Variants in RPP40 observed in about 807,000 individuals in gnomAD.
RPP40 encodes the protein ribonuclease P/MRP subunit p40.
RPP40 carries 30 observed loss-of-function variants against 42.5 expected under a neutral mutation model. The observed-to-expected ratio is 0.71, with a 90% CI of 0.53 to 0.96. The LOEUF is 0.96. Ranked by LOEUF, RPP40 falls within the 40% of genes least tolerant of loss-of-function variation. The pLI is 0.00. For synonymous variants in RPP40, 173 were observed against 164.0 expected, an observed-to-expected ratio of 1.05 and a Z score of -0.42; for missense variants, 426 against 433.5, an observed-to-expected ratio of 0.98 and a Z score of 0.15.
intron 3 of RPP40, 133 bp from the exon 4 acceptor site, chr6:5,000,037 C>T (rs1251798876): frequency 1.7e-6 from 1 of 576,348 alleles, no homozygotes; most frequent in Admixed American, 3.1e-5. Context: ...ATTTATATCA[C>T]AAGAATATTA....
At chr6:4,998,476 A>G (rs1452558336) in intron 5 of RPP40, among the ~76,000 whole-genome samples, 3 of 152,194 alleles carry the variant, frequency 2.0e-5, no homozygotes, top group Non-Finnish European at 4.4e-5. Context: ...CACTCTCAAG[A>G]TCTCTGGATC....
intron 2 of RPP40, among the ~76,000 whole-genome samples, chr6:5,000,922 C>T (rs34853350): frequency 1.4e-5 from 2 of 145,286 alleles, no homozygotes; most frequent in Non-Finnish European, 3.0e-5. Context: ...ATGCAGAAGA[C>T]CAAGCATGCA....
chr6:4,996,121 C>T (rs1188317937), intron 6 of RPP40, 36 bp from the exon 7 acceptor site: 1 of 1,610,104 alleles, frequency 6.2e-7, no homozygotes, highest in South Asian at 1.1e-5. Flanking sequence ...AGAGATAACA[C>T]ATGTATATCC....
At chr6:4,997,584 C>G (rs1253670979) in intron 5 of RPP40, among the ~76,000 whole-genome samples, 1 of 152,168 alleles carries the variant, frequency 6.6e-6, no homozygotes, top group Non-Finnish European at 1.5e-5. Flanking sequence ...TTGCAGACAG[C>G]CTGTCGTGGG....
Position 5,003,875 on chromosome 6 carries a change from C to G in RPP40, c.123+5G>C, listed in dbSNP as rs758057722. 1 of 1,608,584 alleles carries G rather than the reference C, an allele frequency of 6.2e-7. No individual in the cohort carries two copies. Among genetic ancestry groups the G allele is most frequent in the Non-Finnish European group, 8.5e-7 (1 of 1,175,862 alleles). Reference sequence around the variant, plus strand: ...GCCCGAAAAGCCGAGGACAGCCGGACTCACCCTGTAGTTATAGTAGTGCGT... The same window carrying G: ...GCCCGAAAAGCCGAGGACAGCCGGAGTCACCCTGTAGTTATAGTAGTGCGT... On this transcript the variant is annotated splice_donor_5th_base_variant and intron_variant, in intron 1 of 7. Coordinates refer to ENST00000380051, the MANE Select transcript of RPP40 (RefSeq NM_006638.4).
Position 4,999,819 on chromosome 6 carries a change from A to T in RPP40, c.423T>A (p.Ile141=). 1 of 1,582,834 alleles carries T rather than the reference A, an allele frequency of 6.3e-7. No individual in the cohort carries two copies. Among genetic ancestry groups the T allele is most frequent in the East Asian group, 2.2e-5 (1 of 44,654 alleles). The stretch of plus-strand genomic sequence containing the variant: ...ACACATGATACTTACTAAATTTCAT[A>T]ATTTTTCTGCCAGAAAACTGAGATG... ...GHPSQFSGRK[I]MKFIVSIDLM... The change falls in exon 4 of 8, where the codon ATT becomes ATA. Residue 141 remains isoleucine, a synonymous_variant. Transcript: ENST00000380051.
At position 4,996,259 on chromosome 6, in the gene RPP40, A is replaced by G; in HGVS notation, c.721T>C (p.Phe241Leu). The G allele has an allele frequency of 6.2e-7, 1 of 1,614,104 alleles. No homozygotes were observed. The highest frequency in any genetic ancestry group is 8.5e-7 in the Non-Finnish European group (1 of 1,180,014). ...PEVSCRALEL[F>L]DWLGAVFSNV... Reference sequence around the variant, plus strand: ...CTGAAGACGGCGCCGAGCCAGTCGAAGAGCTCCAGAGCCCGGCAGGACACC... The same window carrying G: ...CTGAAGACGGCGCCGAGCCAGTCGAGGAGCTCCAGAGCCCGGCAGGACACC... The change falls in exon 6 of 8, where the codon TTC becomes CTC. Residue 241 changes from phenylalanine (F) to leucine (L), a missense_variant. By Grantham distance (22) the Phe-to-Leu change is conservative. Coordinates refer to ENST00000380051, the MANE Select transcript of RPP40 (RefSeq NM_006638.4).
chr6:4,999,344 G>GCTGAA (rs1759477742), intron 4 of RPP40, among the ~76,000 whole-genome samples: 1 of 133,068 alleles, frequency 7.5e-6, no homozygotes, highest in Non-Finnish European at 1.5e-5. Flanking sequence ...CTGTCGCCAG[G>GCTGAA]CTGAAGTGCA....
At chr6:5,000,125 T>G (rs1759505400) in intron 3 of RPP40, among the ~76,000 whole-genome samples, 1 of 152,228 alleles carries the variant, frequency 6.6e-6, no homozygotes, top group Non-Finnish European at 1.5e-5. Flanking sequence ...ATAGTGAAAT[T>G]TAAAATAATC....
chr6:4,990,068 G>GTT (rs1488207106), downstream of RPP40, among the ~76,000 whole-genome samples: 1 of 152,182 alleles, frequency 6.6e-6, no homozygotes, highest in East Asian at 1.9e-4. Context: ...TAGCTGTAGG[G>GTT]TTTTTGTAGA....
At position 5,004,017 on chromosome 6, in the gene RPP40, C is replaced by A; in HGVS notation, c.-15G>T. The A allele has an allele frequency of 6.3e-7, 1 of 1,587,852 alleles. No individual in the cohort carries two copies. The highest frequency in any genetic ancestry group is 8.6e-7 in the Non-Finnish European group (1 of 1,165,882). ...AGCGTGGCCATGCTCTCCTGGGTTC[C>A]TGGTCCTCCCGGCCTCCGCTGGCGG... On this transcript the variant is annotated 5_prime_UTR_variant, in exon 1 of 8. The change creates a new upstream start codon in the 5' untranslated region. Coordinates refer to ENST00000380051, the MANE Select transcript of RPP40 (RefSeq NM_006638.4).
intron 2 of RPP40, chr6:5,001,009 C>G (rs764804280): frequency 2.6e-5 from 12 of 462,026 alleles, no homozygotes; most frequent in Admixed American, 4.7e-5. Context: ...AGACCAAGCT[C>G]CAGCTAGTTC....
chr6:4,996,965 G>T (rs1225586417), intron 5 of RPP40, among the ~76,000 whole-genome samples: 2 of 152,166 alleles, frequency 1.3e-5, no homozygotes, highest in Non-Finnish European at 2.9e-5. Flanking sequence ...CAGTATAATA[G>T]AAATAATGTC....
the RPP40 span, among the ~76,000 whole-genome samples, chr6:4,988,723 G>C: frequency 6.6e-3 from 1,006 of 152,218 alleles, 13 homozygotes; most frequent in African/African-American, 0.023. Context: ...TTCACGCACT[G>C]AAGGACATTT....
In RPP40 at chr6:4,994,841, G is replaced by T. The variant is rs1759319766; in HGVS notation, c.*237C>A. 2.0e-6 allele frequency: 1 copy of T among 508,916 alleles called. No individual in the cohort carries two copies. Among genetic ancestry groups the T allele is most frequent in the Non-Finnish European group, 3.5e-6 (1 of 287,436 alleles). The allele number at this position is 508,916 out of a possible 1,614,324, so 31.5% of individuals were successfully genotyped here. A position where few individuals can be genotyped will look rare whatever the true frequency, so the allele number is the denominator to read the frequency against. On this transcript the variant is annotated 3_prime_UTR_variant, in exon 8 of 8. Coordinates refer to ENST00000380051, the MANE Select transcript of RPP40 (RefSeq NM_006638.4). Reference sequence around the variant, plus strand: ...ACATCCTGGCCCAGTGTACCACATAGTAACCCACAACCCTGTGCTTATGTT... The same window carrying T: ...ACATCCTGGCCCAGTGTACCACATATTAACCCACAACCCTGTGCTTATGTT...
At chr6:4,997,762 C>T (rs1378859127) in intron 5 of RPP40, among the ~76,000 whole-genome samples, 1 of 152,074 alleles carries the variant, frequency 6.6e-6, no homozygotes, top group Non-Finnish European at 1.5e-5. Context: ...GTCTCTGACC[C>T]AGGGCTTATG....
chr6:4,999,133 C>T lies in RPP40; in HGVS notation c.434-292G>A, dbSNP rs58598560. Reference sequence around the variant, plus strand: ...AGGTTTAATCTACTTATGGATGTGGCGGCCTTAGCTATTGATGTTCGAGCC... The same window carrying T: ...AGGTTTAATCTACTTATGGATGTGGTGGCCTTAGCTATTGATGTTCGAGCC... On this transcript the variant is annotated intron_variant, in intron 4 of 7. Transcript: ENST00000380051. 6.4e-3 allele frequency among the ~76,000 whole-genome samples: 806 copies of T among 125,910 alleles called. 9 individuals carry two copies. Among genetic ancestry groups the T allele is most frequent in the African/African-American group, 0.02 (762 of 38,272 alleles). The allele number at this position is 125,910 out of a possible 152,430, so 82.6% of individuals were successfully genotyped here. A position where few individuals can be genotyped will look rare whatever the true frequency, so the allele number is the denominator to read the frequency against.
rs571402387 is a variant in RPP40, at chr6:4,995,472, T to C, written c.894-196A>G. Among the ~76,000 whole-genome samples, 7 of 152,324 alleles carry C rather than the reference T, an allele frequency of 4.6e-5. No individual in the cohort carries two copies. The South Asian group carries it at 1.4e-3, about 32-fold the overall frequency. On this transcript the variant is annotated intron_variant, in intron 7 of 7. Transcript: ENST00000380051. The stretch of plus-strand genomic sequence containing the variant: ...TGAACTCCATAAGGATTAACTAATA[T>C]ACAACACATGAAACAAACCTCAGCT...
At position 4,995,146 on chromosome 6, in the gene RPP40, C is replaced by T; in HGVS notation, c.1024G>A (p.Val342Met). Residue 342 changes from valine to methionine, a missense_variant, in exon 8 of 8, where the codon GTG (valine) becomes ATG (methionine). Val to Met is a conservative substitution (Grantham distance 21). Coordinates refer to ENST00000380051, the MANE Select transcript of RPP40 (RefSeq NM_006638.4). ...CAATAGTCCTGATTATTAAAAATCA[C>T]AAAGTTATATAAATGTTCTCCTCCT... ...RKGGEHLYNF[V>M]IFNNQDYWLQ... 6.2e-7 allele frequency: 1 copy of T among 1,614,054 alleles called. No homozygotes were observed. Among genetic ancestry groups the T allele is most frequent in the Non-Finnish European group, 8.5e-7 (1 of 1,179,918 alleles).
Sources: gnomAD v4.1 joint callset for allele counts (sites outside exome capture counted in the v4.1 genomes callset) on GRCh38, gnomAD v4.1.1 for gene constraint, MANE v1.5 for transcripts, NCBI Gene and HGNC (gene_info 2026-07-23, HGNC 2026-07-21) for gene names.